Variants in POLR3B observed in about 807,000 individuals in gnomAD.
POLR3B encodes RNA polymerase III subunit B.
A neutral mutation model predicts 147.4 loss-of-function variants in POLR3B; 96 were observed. That is an observed-to-expected ratio of 0.65 (90% confidence interval 0.55 to 0.77). The LOEUF (loss-of-function observed/expected upper bound fraction) is 0.77. POLR3B is among the 30% of genes least tolerant of loss of function. POLR3B has a pLI of 0.00. For synonymous variants in POLR3B, 461 were observed against 485.9 expected, an observed-to-expected ratio of 0.95 and a Z score of 0.67; for missense variants, 1,036 against 1,413.5, an observed-to-expected ratio of 0.73 and a Z score of 4.28.
intron 26 of POLR3B, among the ~76,000 whole-genome samples, chr12:106,503,651 T>C (rs368224249): frequency 4.6e-5 from 7 of 152,328 alleles, no homozygotes; most frequent in African/African-American, 1.7e-4. Context: ...CCACAGTCTA[T>C]TCTGCTTAGT....
chr12:106,365,110 G>C (rs926017319), intron 2 of POLR3B, among the ~76,000 whole-genome samples: 5 of 152,052 alleles, frequency 3.3e-5, no homozygotes, highest in Non-Finnish European at 4.4e-5. Flanking sequence ...ACTGCAGCCT[G>C]GTCGACAGTG....
At chr12:106,430,215 G>A (rs2037489167) in intron 13 of POLR3B, 58 bp from the exon 14 acceptor site, 3 of 1,331,702 alleles carry the variant, frequency 2.3e-6, no homozygotes, top group Non-Finnish European at 2.2e-6. Context: ...TGACCGCACG[G>A]TATCAGACAA....
rs143599158 is a variant in POLR3B at position 106,410,915 on chromosome 12, C to T, written c.1056C>T (p.Asp352=). Residue 352 remains aspartate (D), a synonymous_variant, in exon 12 of 28, where the codon GAC becomes GAT. Coordinates refer to ENST00000228347, the MANE Select transcript of POLR3B (RefSeq NM_018082.6). ...VILAQGDNKV[D]DRDYYGNKRL... is the part of the protein sequence containing the mutation. Reference sequence around the variant, plus strand: ...TGGCCCAAGGAGATAATAAAGTTGACGACAGAGATTATTATGGTAACAAGC... The same window carrying T: ...TGGCCCAAGGAGATAATAAAGTTGATGACAGAGATTATTATGGTAACAAGC... 3.3e-5 allele frequency: 53 copies of T among 1,613,118 alleles called. No individual in the cohort carries two copies. In the East Asian group the frequency reaches 7.1e-4, roughly 22 times the overall value.
chr12:106,376,984 A>G (rs1200101565), intron 7 of POLR3B, among the ~76,000 whole-genome samples: 4 of 152,192 alleles, frequency 2.6e-5, no homozygotes, highest in African/African-American at 9.6e-5. Context: ...ATTCTTGTTT[A>G]TTGCCATGAT....
intron 9 of POLR3B, among the ~76,000 whole-genome samples, chr12:106,389,968 C>T (rs1284016107): frequency 6.6e-6 from 1 of 152,130 alleles, no homozygotes; most frequent in Non-Finnish European, 1.5e-5. Context: ...CCTGTAATCC[C>T]AGCACTTTGG....
At chr12:106,403,187 C>T (rs2037095971) in intron 10 of POLR3B, among the ~76,000 whole-genome samples, 1 of 151,978 alleles carries the variant, frequency 6.6e-6, no homozygotes, top group African/African-American at 2.4e-5. Flanking sequence ...GACATTTATG[C>T]AGCCAAAAGA....
chr12:106,421,623 T>C (rs1354538014), intron 12 of POLR3B, among the ~76,000 whole-genome samples: 2 of 152,044 alleles, frequency 1.3e-5, no homozygotes, highest in Non-Finnish European at 2.9e-5. Flanking sequence ...TTTTTGTATA[T>C]TTTGCTTCCT....
At chr12:106,399,310 A>G (rs2037027831) in intron 10 of POLR3B, among the ~76,000 whole-genome samples, 1 of 152,250 alleles carries the variant, frequency 6.6e-6, no homozygotes, top group African/African-American at 2.4e-5. Flanking sequence ...AAAGCCTCCA[A>G]GAAATATGGG....
intron 16 of POLR3B, among the ~76,000 whole-genome samples, chr12:106,436,176 C>T (rs2037573549): frequency 6.6e-6 from 1 of 152,174 alleles, no homozygotes; most frequent in African/African-American, 2.4e-5. Flanking sequence ...TTGAAAAGTG[C>T]TCATTAGTCC....
intron 23 of POLR3B, among the ~76,000 whole-genome samples, chr12:106,469,918 A>G (rs1414600632): frequency 6.6e-6 from 1 of 152,122 alleles, no homozygotes; most frequent in Non-Finnish European, 1.5e-5. Context: ...GAATCTGACA[A>G]TTACATGTCT....
chr12:106,383,947 C>T (rs903817647), intron 9 of POLR3B, among the ~76,000 whole-genome samples: 1 of 148,962 alleles, frequency 6.7e-6, no homozygotes, highest in African/African-American at 2.5e-5. Flanking sequence ...CACTGCACTC[C>T]AGCCTAGGCA....
intron 2 of POLR3B, 88 bp downstream of exon 2, chr12:106,363,990 C>A: frequency 2.0e-6 from 2 of 1,011,192 alleles, no homozygotes; most frequent in Non-Finnish European, 3.1e-6. Flanking sequence ...AAATTTTTGT[C>A]ATCAACATTT....
At chr12:106,378,623 G>C (rs2036714567) in intron 8 of POLR3B, among the ~76,000 whole-genome samples, 1 of 151,838 alleles carries the variant, frequency 6.6e-6, no homozygotes. Context: ...TGAATTTTAT[G>C]TTAGCTTATA....
intron 23 of POLR3B, among the ~76,000 whole-genome samples, chr12:106,467,601 G>A (rs1407624820): frequency 6.6e-6 from 1 of 152,158 alleles, no homozygotes; most frequent in Non-Finnish European, 1.5e-5. Flanking sequence ...GTCATAAATA[G>A]CTCTTATTAT....
rs148613297 is a variant in POLR3B, at chr12:106,444,478, G to A, written c.1971G>A (p.Leu657=). The A allele has an allele frequency of 1.1e-4, 184 of 1,613,714 alleles. No homozygotes were observed. The African/African-American group carries it at 2.1e-3, about 19-fold the overall frequency. ...EHTINKDTTH[L]EIEPFTLLGV... ...AACTTGTTAGAGACACCACCCACTT[G>A]GAGATTGAACCCTTCACTCTTCTCG... Residue 657 remains leucine (L), a synonymous_variant, in exon 19 of 28, where the codon TTG becomes TTA. Transcript: ENST00000228347.
At chr12:106,486,338 G>A (rs1015670878) in intron 23 of POLR3B, among the ~76,000 whole-genome samples, 1 of 151,318 alleles carries the variant, frequency 6.6e-6, no homozygotes, top group Non-Finnish European at 1.5e-5. Context: ...TGAGGTTCAG[G>A]GGAGGTGAGT....
Position 106,357,830 on chromosome 12 carries a change from G to C in POLR3B, c.-50G>C. ...GAGTCTTGCAGTTTGCTTGGTGCAG[G>C]GAAGGCGGGCGCGGAGGTTCTATCT... On this transcript the variant is annotated 5_prime_UTR_variant, in exon 1 of 28. Transcript: ENST00000228347. 6.4e-6 allele frequency: 10 copies of C among 1,573,350 alleles called. No individual in the cohort carries two copies. The highest frequency in any genetic ancestry group is 8.7e-6 in the Non-Finnish European group (10 of 1,151,108).
At chr12:106,498,588 T>TTG (rs2038539168) in intron 25 of POLR3B, among the ~76,000 whole-genome samples, 2 of 151,860 alleles carry the variant, frequency 1.3e-5, no homozygotes, top group South Asian at 4.2e-4. Context: ...GTTTGTTTTT[T>TTG]TTGTTTTTTT....
chr12:106,405,350 T>C (rs1726797682), intron 10 of POLR3B, among the ~76,000 whole-genome samples: 1 of 152,164 alleles, frequency 6.6e-6, no homozygotes, highest in South Asian at 2.1e-4. Context: ...TTAATACCAT[T>C]GAATCATCCA....
Sources: gnomAD v4.1 joint callset for allele counts (sites outside exome capture counted in the v4.1 genomes callset) on GRCh38, gnomAD v4.1.1 for gene constraint, MANE v1.5 for transcripts, NCBI Gene and HGNC (gene_info 2026-07-23, HGNC 2026-07-21) for gene names.